Variants in PDE3A observed in about 807,000 individuals in gnomAD.
The protein encoded by PDE3A is phosphodiesterase 3A.
PDE3A carries 43 observed loss-of-function variants against 98.3 expected under a neutral mutation model. The observed-to-expected ratio is 0.44, with a 90% CI of 0.34 to 0.56. The LOEUF (loss-of-function observed/expected upper bound fraction) is 0.56. Ranked by LOEUF, PDE3A falls within the 20% of genes least tolerant of loss-of-function variation. The pLI is 0.01. For synonymous variants in PDE3A, 663 were observed against 567.9 expected, an observed-to-expected ratio of 1.17 and a Z score of -2.38; for missense variants, 1,427 against 1,440.7, an observed-to-expected ratio of 0.99 and a Z score of 0.15.
intron 1 of PDE3A, among the ~76,000 whole-genome samples, chr12:20,406,545 C>G (rs1944236706): frequency 6.6e-6 from 1 of 152,054 alleles, no homozygotes; most frequent in Admixed American, 6.6e-5. Context: ...AGTTCTTTGC[C>G]CATTAAATCA....
intron 2 of PDE3A, among the ~76,000 whole-genome samples, chr12:20,595,792 C>G (rs1943452998): frequency 6.6e-6 from 1 of 152,084 alleles, no homozygotes; most frequent in South Asian, 2.1e-4. Flanking sequence ...TGCTCTGTGT[C>G]CATTTTTAAG....
At chr12:20,415,586 C>T (rs1565541970) in intron 1 of PDE3A, among the ~76,000 whole-genome samples, 2 of 151,878 alleles carry the variant, frequency 1.3e-5, no homozygotes, top group African/African-American at 4.8e-5. Flanking sequence ...TATAGGCACC[C>T]GCCATCATGC....
intron 2 of PDE3A, among the ~76,000 whole-genome samples, chr12:20,608,577 C>G (rs1943770125): frequency 6.6e-6 from 1 of 151,912 alleles, no homozygotes. Flanking sequence ...GTGACATTGA[C>G]TTATAAAGAT....
chr12:20,670,441 A>C (rs569627305), intron 15 of PDE3A, among the ~76,000 whole-genome samples: 62 of 152,146 alleles, frequency 4.1e-4, no homozygotes, highest in African/African-American at 1.3e-3. Context: ...TGACCACATA[A>C]TTGGAAGTAA....
chr12:20,635,580 AAAAAAAAAAAAG>A (rs1944487940), intron 8 of PDE3A, among the ~76,000 whole-genome samples: 1 of 147,844 alleles, frequency 6.8e-6, no homozygotes, highest in African/African-American at 2.5e-5. Context: ...TCTGTCTCAA[AAAAAAAAAAAAG>A]AAAGAAAGAA....
intron 15 of PDE3A, among the ~76,000 whole-genome samples, chr12:20,657,071 A>G (rs1286734314): frequency 1.3e-5 from 2 of 152,208 alleles, no homozygotes; most frequent in Non-Finnish European, 2.9e-5. Context: ...CCCATCCACA[A>G]TGATTTGATA....
chr12:20,374,477 A>G (rs574000020), intron 1 of PDE3A, among the ~76,000 whole-genome samples: 1 of 152,142 alleles, frequency 6.6e-6, no homozygotes, highest in Non-Finnish European at 1.5e-5. Context: ...TGTATGAAAT[A>G]CATTTTGAAA....
chr12:20,591,791 G>T (rs1943344521), intron 2 of PDE3A, among the ~76,000 whole-genome samples: 1 of 152,188 alleles, frequency 6.6e-6, no homozygotes, highest in South Asian at 2.1e-4. Flanking sequence ...CAGAATGTCA[G>T]TGTACTCATT....
rs955718622 is a variant in PDE3A, at chr12:20,538,787, G to A, written c.961-17873G>A. ...AGCCTCCCAAATAGCTGGGACTATA[G>A]GTGTGTGTCATCAGGCCTGGCTAAT... On this transcript the variant is annotated intron_variant, in intron 1 of 15. Coordinates refer to ENST00000359062, the MANE Select transcript of PDE3A (RefSeq NM_000921.5). Among the ~76,000 whole-genome samples the A allele has an allele frequency of 2.6e-5, 4 of 152,058 alleles. No individual in the cohort carries two copies. In the East Asian group the frequency reaches 5.8e-4, roughly 22 times the overall value.
chr12:20,675,761 A>G (rs12301364), intron 15 of PDE3A, among the ~76,000 whole-genome samples: 79,838 of 152,008 alleles, frequency 0.53, 21,746 homozygotes, highest in East Asian at 0.73. Context: ...TTCATCTAAT[A>G]TAAGTATAGC....
intron 1 of PDE3A, among the ~76,000 whole-genome samples, chr12:20,392,562 C>G (rs1219799792): frequency 6.6e-6 from 1 of 151,378 alleles, no homozygotes; most frequent in East Asian, 1.9e-4. Context: ...TAAATAAAAT[C>G]TAGCTGGACA....
chr12:20,378,357 A>C (rs922102320), intron 1 of PDE3A, among the ~76,000 whole-genome samples: 1 of 151,780 alleles, frequency 6.6e-6, no homozygotes, highest in Non-Finnish European at 1.5e-5. Context: ...TCAAGAAATA[A>C]AGAGAAAATT....
At chr12:20,562,605 C>T (rs1355203456) in intron 2 of PDE3A, among the ~76,000 whole-genome samples, 1 of 151,894 alleles carries the variant, frequency 6.6e-6, no homozygotes, top group Non-Finnish European at 1.5e-5. Context: ...AGTGGAGGCT[C>T]CTTGTGGAAA....
At chr12:20,556,510 A>G in intron 1 of PDE3A, 150 bp from the exon 2 acceptor site, 2 of 618,142 alleles carry the variant, frequency 3.2e-6, no homozygotes, top group Non-Finnish European at 5.8e-6. Flanking sequence ...GGAGTTTGCT[A>G]CTAATTTAGG....
intron 1 of PDE3A, among the ~76,000 whole-genome samples, chr12:20,461,070 A>G (rs764530290): frequency 5.9e-5 from 9 of 152,044 alleles, no homozygotes; most frequent in Non-Finnish European, 1.2e-4. Context: ...GGTATATAAT[A>G]TTAAGTGTTT....
At chr12:20,512,782 AGTGAT>A (rs1946251586) in intron 1 of PDE3A, among the ~76,000 whole-genome samples, 1 of 152,096 alleles carries the variant, frequency 6.6e-6, no homozygotes, top group Non-Finnish European at 1.5e-5. Flanking sequence ...TTTCCATGAG[AGTGAT>A]GACAGATTCA....
intron 1 of PDE3A, among the ~76,000 whole-genome samples, chr12:20,505,459 G>C (rs1946099546): frequency 6.9e-6 from 1 of 145,852 alleles, no homozygotes; most frequent in Non-Finnish European, 1.5e-5. Flanking sequence ...TTCCATATGT[G>C]GTACATTTTT....
rs184794377 is a variant in PDE3A at position 20,636,496 on chromosome 12, C to T, written c.2002-604C>T. On this transcript the variant is annotated intron_variant, in intron 8 of 15. Transcript: ENST00000359062. ...CAATTATAAAAAACCTTTACTTTTA[C>T]GTAGTACATGTTTCTCAAGAAACAG... Among the ~76,000 whole-genome samples, 423 of 152,140 alleles carry T rather than the reference C, an allele frequency of 2.8e-3. 2 individuals carry two copies. The highest frequency in any genetic ancestry group is 9.4e-3 in the African/African-American group (391 of 41,514).
intron 15 of PDE3A, among the ~76,000 whole-genome samples, chr12:20,671,636 A>G (rs1945484978): frequency 6.6e-6 from 1 of 150,972 alleles, no homozygotes; most frequent in Admixed American, 6.6e-5. Flanking sequence ...AAAGCCTTTG[A>G]CAAAATTCAA....
Sources: allele counts gnomAD v4.1 joint callset (sites outside exome capture counted in the v4.1 genomes callset), GRCh38; gene constraint gnomAD v4.1.1; transcripts MANE v1.5; gene names NCBI Gene and HGNC (gene_info 2026-07-23, HGNC 2026-07-21).